Variants in CDH1 observed in about 807,000 individuals in gnomAD.
CDH1 encodes cadherin-1.
Under a neutral mutation model 84.5 loss-of-function variants are expected in CDH1, and 35 were observed. The observed-to-expected ratio is 0.41, with a 90% CI of 0.32 to 0.55. The LOEUF (loss-of-function observed/expected upper bound fraction) is 0.55, where lower values mean the gene tolerates loss of function less well. Among genes scored for constraint, CDH1 ranks in the 20% least tolerant of loss-of-function variants. The pLI, the probability that CDH1 is intolerant of heterozygous loss-of-function variation, is 0.19. For synonymous variants in CDH1, 417 were observed against 439.0 expected, an observed-to-expected ratio of 0.95 and a Z score of 0.63; for missense variants, 994 against 1,126.6, an observed-to-expected ratio of 0.88 and a Z score of 1.68.
chr16:68,820,352 ATT>A (rs1323169351), intron 11 of CDH1, among the ~76,000 whole-genome samples: 12 of 138,724 alleles, frequency 8.7e-5, no homozygotes, highest in Non-Finnish European at 9.4e-5. Context: ...TTGCTGTTTA[ATT>A]TTTTTTTTTT....
chr16:68,759,913 A>G (rs1257205038), intron 2 of CDH1, among the ~76,000 whole-genome samples: 1 of 152,002 alleles, frequency 6.6e-6, no homozygotes, highest in Non-Finnish European at 1.5e-5. Context: ...TCTATTTCTA[A>G]GAATGTTTCC....
At chr16:68,749,309 GTGTC>G (rs2152117104) in intron 2 of CDH1, among the ~76,000 whole-genome samples, 1 of 152,340 alleles carries the variant, frequency 6.6e-6, no homozygotes, top group South Asian at 2.1e-4. Context: ...TTGAGTTTGA[GTGTC>G]TGAAGGACAC....
intron 2 of CDH1, among the ~76,000 whole-genome samples, chr16:68,759,228 T>G (rs936347075): frequency 6.6e-6 from 1 of 151,882 alleles, no homozygotes; most frequent in Non-Finnish European, 1.5e-5. Context: ...GGGGGCACAG[T>G]GGCTCATGCC....
chr16:68,808,908 C>A (rs2152130408), intron 5 of CDH1, 60 bp downstream of exon 5: 1 of 1,557,580 alleles, frequency 6.4e-7, no homozygotes, highest in South Asian at 1.1e-5. Flanking sequence ...ATTTTTTGGT[C>A]AACCCATGCT....
intron 2 of CDH1, among the ~76,000 whole-genome samples, chr16:68,755,027 A>G (rs1388367421): frequency 6.6e-6 from 1 of 152,066 alleles, no homozygotes; most frequent in African/African-American, 2.4e-5. Flanking sequence ...GTGGTGGTTT[A>G]TGACTGTAAT....
chr16:68,825,326 G>C (rs974617850), intron 13 of CDH1, among the ~76,000 whole-genome samples: 1 of 152,132 alleles, frequency 6.6e-6, no homozygotes, highest in African/African-American at 2.4e-5. Context: ...TCCCCTCCTA[G>C]CAAAGCACAG....
At chr16:68,739,761 C>A (rs1962509684) in intron 2 of CDH1, among the ~76,000 whole-genome samples, 1 of 151,804 alleles carries the variant, frequency 6.6e-6, no homozygotes, top group Non-Finnish European at 1.5e-5. Context: ...ATTACAGGTG[C>A]CACCACCATG....
At chr16:68,829,905 T>A (rs1961437906) in intron 15 of CDH1, 108 bp downstream of exon 15, 2 of 1,191,490 alleles carry the variant, frequency 1.7e-6, no homozygotes, top group Non-Finnish European at 2.5e-6. Flanking sequence ...TACTATGTTT[T>A]CAGCTTGCCT....
At chr16:68,775,361 G>C (rs1473823242) in intron 2 of CDH1, among the ~76,000 whole-genome samples, 1 of 152,020 alleles carries the variant, frequency 6.6e-6, no homozygotes. Flanking sequence ...CAACTCTGAT[G>C]GCAAATATTC....
intron 2 of CDH1, among the ~76,000 whole-genome samples, chr16:68,788,604 C>G (rs1394669509): frequency 2.0e-5 from 3 of 152,154 alleles, no homozygotes; most frequent in Non-Finnish European, 2.9e-5. Context: ...CTTTTTATTG[C>G]TGAGTAGCTA....
Position 68,813,396 on chromosome 16 carries a change from A to G in CDH1, c.1221A>G (p.Pro407=), listed in dbSNP as rs1555515894. 1 of 1,614,130 alleles carries G rather than the reference A, an allele frequency of 6.2e-7. No individual in the cohort carries two copies. The highest frequency in any genetic ancestry group is 8.5e-7 in the Non-Finnish European group (1 of 1,180,014). Residue 407 remains proline (P), a synonymous_variant, in exon 9 of 16, where the codon CCA becomes CCG. Coordinates refer to ENST00000261769, the MANE Select transcript of CDH1 (RefSeq NM_004360.5). ...CTGATGCTGATGCCCCCAATACCCC[A>G]GCGTGGGAGGCTGTATACACCATAT... The part of the protein sequence containing the change: ...KVTDADAPNT[P]AWEAVYTILN...
intron 11 of CDH1, among the ~76,000 whole-genome samples, chr16:68,819,675 C>T (rs1053971759): frequency 1.3e-5 from 2 of 152,080 alleles, no homozygotes; most frequent in Non-Finnish European, 2.9e-5. Flanking sequence ...AGTAATTGTT[C>T]ATCATCTACC....
intron 15 of CDH1, 107 bp downstream of exon 15, chr16:68,829,904 T>A: frequency 8.2e-7 from 1 of 1,223,676 alleles, no homozygotes; most frequent in Non-Finnish European, 1.2e-6. Context: ...TTACTATGTT[T>A]TCAGCTTGCC....
At chr16:68,813,261 C>G (rs374483659) in intron 8 of CDH1, 52 bp from the exon 9 acceptor site, 1 of 1,569,552 alleles carries the variant, frequency 6.4e-7, no homozygotes, top group Non-Finnish European at 8.8e-7. Context: ...TGAGACTCAG[C>G]TCTGCTAGCA....
At chr16:68,775,374 A>T (rs1406287205) in intron 2 of CDH1, among the ~76,000 whole-genome samples, 2 of 152,126 alleles carry the variant, frequency 1.3e-5, no homozygotes, top group East Asian at 3.9e-4. Flanking sequence ...AAATATTCCC[A>T]ACCATGCCAA....
intron 3 of CDH1, among the ~76,000 whole-genome samples, chr16:68,804,541 A>G (rs1293753567): frequency 6.6e-6 from 1 of 152,110 alleles, no homozygotes; most frequent in Admixed American, 6.6e-5. Flanking sequence ...TTTCATATGA[A>G]TACATTTCTG....
chr16:68,762,199 C>A (rs1388091185), intron 2 of CDH1, among the ~76,000 whole-genome samples: 1 of 152,176 alleles, frequency 6.6e-6, no homozygotes, highest in East Asian at 1.9e-4. Context: ...CCCAGTGTTC[C>A]TTGCCTGGCT....
At chr16:68,804,584 A>C (rs1960601745) in intron 3 of CDH1, among the ~76,000 whole-genome samples, 1 of 152,124 alleles carries the variant, frequency 6.6e-6, no homozygotes, top group African/African-American at 2.4e-5. Context: ...AAATTGAGAT[A>C]TATATTGGAG....
chr16:68,794,447 A>T (rs1960300433), intron 2 of CDH1, among the ~76,000 whole-genome samples: 1 of 152,108 alleles, frequency 6.6e-6, no homozygotes, highest in Admixed American at 6.6e-5. Context: ...AACATGCCCT[A>T]AGTGTGGACA....
Sources: allele counts gnomAD v4.1 joint callset (sites outside exome capture counted in the v4.1 genomes callset), GRCh38; gene constraint gnomAD v4.1.1; transcripts MANE v1.5; gene names NCBI Gene and HGNC (gene_info 2026-07-23, HGNC 2026-07-21).